Variants in ARMCX4 observed in about 807,000 individuals in gnomAD.
The protein encoded by ARMCX4 is armadillo repeat-containing X-linked protein 4.
Under a neutral mutation model 34.7 loss-of-function variants are expected in ARMCX4, and 3 were observed. That is an observed-to-expected ratio of 0.09 (90% CI 0.04 to 0.22). The LOEUF (loss-of-function observed/expected upper bound fraction) is 0.22. Among genes scored for constraint, ARMCX4 ranks in the 10% least tolerant of loss-of-function variants. The pLI is 1.00. For synonymous variants in ARMCX4, 513 were observed against 632.8 expected (o/e 0.81, Z 2.84); for missense variants, 1,448 against 1,720.8 (o/e 0.84, Z 2.81).
chrX:101,535,271 G>A (rs781810171), downstream of ARMCX4, among the ~76,000 whole-genome samples: 4 of 111,672 alleles, frequency 3.6e-5, no homozygotes, highest in East Asian at 8.4e-4. Flanking sequence ...ATAACCTGAA[G>A]AAGGTGTTTC....
At chrX:101,481,365 G>A (rs371428350), upstream of ARMCX4, among the ~76,000 whole-genome samples, 16 of 112,015 alleles carry the variant, frequency 1.4e-4, 3 homozygotes, top group East Asian at 1.4e-3. Context: ...TATAAAATAG[G>A]CTTTGCATTA....
In ARMCX4 at chrX:101,489,190, G is replaced by A. The variant is rs1256990556; in HGVS notation, c.601G>A (p.Glu201Lys). ...TCATATATTGGCTGAAAAAGAGACA[G>A]AGATTAACAGAGTAATGGTTACACA... is the stretch of plus-strand genomic sequence containing the variant. ...ETHILAEKET[E>K]INRVMVTQSE... Residue 201 changes from glutamate to lysine, a missense_variant, in exon 6 of 6, where the codon GAG becomes AAG. Coordinates refer to ENST00000423738, the MANE Select transcript of ARMCX4 (RefSeq NM_001256155.3). 2.6e-6 allele frequency: 3 copies of A among 1,154,405 alleles called. No individual in the cohort carries two copies. Among genetic ancestry groups the A allele is most frequent in the African/African-American group, 1.8e-5 (1 of 55,864 alleles).
At chrX:101,485,671 C>T (rs902113583) in intron 1 of ARMCX4, 141 bp downstream of exon 1, 1 of 112,565 alleles carries the variant, frequency 8.9e-6, no homozygotes, top group Non-Finnish European at 1.9e-5. Flanking sequence ...CCCTAGCCCC[C>T]TTGCCCCCGC....
chrX:101,502,719 AT>A (rs199778349), intron 7 of ARMCX4, among the ~76,000 whole-genome samples: 1,360 of 106,140 alleles, frequency 0.013, 8 homozygotes, highest in Non-Finnish European at 0.02. Flanking sequence ...AGTGTTCTTT[AT>A]TTTTTTTTTA....
At position 101,491,616 on chromosome X, in the gene ARMCX4, G is replaced by A. The variant is rs782223221; in HGVS notation, c.3027G>A (p.Lys1009=). The A allele has an allele frequency of 1.7e-6, 2 of 1,155,811 alleles. No individual in the cohort carries two copies. Among genetic ancestry groups the A allele is most frequent in the East Asian group, 3.3e-5 (1 of 30,725 alleles). The change falls in exon 6 of 6, where the codon AAG becomes AAA. Residue 1009 remains lysine, a synonymous_variant. Transcript: ENST00000423738. The stretch of plus-strand genomic sequence containing the variant: ...TGCTTGGTGCCAGGAATAAGGTCAA[G>A]GGCAATACCATTGCTGTGCCTAAAG... ...ETLLGARNKV[K]GNTIAVPKAG...
intron 2 of ARMCX4, among the ~76,000 whole-genome samples, chrX:101,438,976 A>G (rs1931032562): frequency 8.9e-6 from 1 of 111,886 alleles, no homozygotes; most frequent in Non-Finnish European, 1.9e-5. Flanking sequence ...TTACATTTAA[A>G]GTTAATATGG....
intron 11 of ARMCX4, among the ~76,000 whole-genome samples, chrX:101,512,701 T>C (rs1934606194): frequency 9.2e-6 from 1 of 108,727 alleles, no homozygotes. Flanking sequence ...TGTTGTATTC[T>C]GTATTAGGAC....
chrX:101,427,505 G>A (rs528694293), intron 2 of ARMCX4, among the ~76,000 whole-genome samples: 3 of 110,609 alleles, frequency 2.7e-5, no homozygotes, highest in Non-Finnish European at 5.7e-5. Context: ...AGCCTCCCAC[G>A]TAGCTGGGAC....
At chrX:101,456,246 C>T (rs1396668595) in intron 4 of ARMCX4, among the ~76,000 whole-genome samples, 2 of 111,963 alleles carry the variant, frequency 1.8e-5, no homozygotes, top group Non-Finnish European at 3.8e-5. Flanking sequence ...TTAAAGTGTT[C>T]TCCATAGTGG....
At chrX:101,469,742 A>T (rs2084850154) in intron 4 of ARMCX4, among the ~76,000 whole-genome samples, 2 of 110,565 alleles carry the variant, frequency 1.8e-5, no homozygotes, top group Non-Finnish European at 3.8e-5. Flanking sequence ...AGAAGGTGGG[A>T]CTCTACTCCA....
At chrX:101,450,649 A>G (rs1299712126), downstream of ARMCX4, among the ~76,000 whole-genome samples, 1 of 111,852 alleles carries the variant, frequency 8.9e-6, no homozygotes, top group Non-Finnish European at 1.9e-5. Flanking sequence ...GTTTTTCACC[A>G]TAGCCACCAG....
chrX:101,428,280 A>T (rs886630282), intron 2 of ARMCX4, among the ~76,000 whole-genome samples: 1 of 112,284 alleles, frequency 8.9e-6, no homozygotes, highest in Non-Finnish European at 1.9e-5. Context: ...GTCAGATTAA[A>T]AAAGAGAGTA....
intron 4 of ARMCX4, among the ~76,000 whole-genome samples, chrX:101,466,023 A>T (rs1480318995): frequency 8.9e-6 from 1 of 112,139 alleles, no homozygotes; most frequent in African/African-American, 3.2e-5. Context: ...ACCCAAATAA[A>T]GACTACTGCC....
Position 101,490,447 on chromosome X carries a change from G to A in ARMCX4, c.1858G>A (p.Ala620Thr). 8.7e-7 allele frequency: 1 copy of A among 1,154,770 alleles called. No individual in the cohort carries two copies. Among genetic ancestry groups the A allele is most frequent in the Non-Finnish European group, 1.1e-6 (1 of 872,448 alleles). Residue 620 changes from alanine to threonine, a missense_variant, in exon 6 of 6, where the codon GCT becomes ACT. Coordinates refer to ENST00000423738, the MANE Select transcript of ARMCX4 (RefSeq NM_001256155.3). ...GNPHTVLKVG[A>T]GEGTTDSAQP... ...TCCCCATACTGTGCTTAAGGTGGGGGCTGGAGAAGGTACAACAGACTCTGC... is the reference window on the plus strand; with the variant it reads ...TCCCCATACTGTGCTTAAGGTGGGGACTGGAGAAGGTACAACAGACTCTGC...
At chrX:101,420,153 T>C (rs782593936) in intron 2 of ARMCX4, among the ~76,000 whole-genome samples, 1 of 109,542 alleles carries the variant, frequency 9.1e-6, no homozygotes, top group Non-Finnish European at 1.9e-5. Context: ...AGGTCAGGAG[T>C]TCGAGACGAG....
chrX:101,514,973 T>C lies in ARMCX4; in HGVS notation c.*1780+3918T>C, dbSNP rs905632012. Among the ~76,000 whole-genome samples the C allele has an allele frequency of 3.6e-5, 4 of 111,899 alleles. No homozygotes were observed. The East Asian group carries it at 1.1e-3, about 31-fold the overall frequency. On this transcript the variant is annotated intron_variant and NMD_transcript_variant, in intron 11 of 12. Transcript: ENST00000354842. ...CTTTCAGAATCCAATTCCCTCCTAA[T>C]CAATGCTCTCACTTTAACATCAGAC...
At chrX:101,514,911 A>G (rs1934674297) in intron 11 of ARMCX4, among the ~76,000 whole-genome samples, 1 of 111,671 alleles carries the variant, frequency 9.0e-6, no homozygotes, top group African/African-American at 3.3e-5. Flanking sequence ...GAAGGTCCCC[A>G]GCTTCATCAG....
At chrX:101,420,250 T>C (rs1334814034) in intron 2 of ARMCX4, among the ~76,000 whole-genome samples, 1 of 111,482 alleles carries the variant, frequency 9.0e-6, no homozygotes, top group Non-Finnish European at 1.9e-5. Context: ...TCCCAGCTAC[T>C]TGGGAGGCTG....
rs1935039673 is a variant in ARMCX4 at position 101,528,568 on chromosome X, G to T, written c.*1781-3076G>T. 3.6e-5 allele frequency among the ~76,000 whole-genome samples: 4 copies of T among 111,681 alleles called. No individual in the cohort carries two copies. The Admixed American group carries it at 3.8e-4, about 11-fold the overall frequency. On this transcript the variant is annotated intron_variant and NMD_transcript_variant, in intron 11 of 12. Transcript: ENST00000354842. Reference sequence around the variant, plus strand: ...GTCCCTGTTCACAGATGACATGATTGTATATTTAGAAAACCCCATCATCTC... The same window carrying T: ...GTCCCTGTTCACAGATGACATGATTTTATATTTAGAAAACCCCATCATCTC...
Sources: allele counts gnomAD v4.1 joint callset (sites outside exome capture counted in the v4.1 genomes callset), GRCh38; gene constraint gnomAD v4.1.1; transcripts MANE v1.5; gene names NCBI Gene and HGNC (gene_info 2026-07-23, HGNC 2026-07-21).